RBFOX1: variants seen among roughly 807,000 people sequenced by gnomAD.
RBFOX1 encodes RNA binding fox-1 homolog 1.
A neutral mutation model predicts 57.7 loss-of-function variants in RBFOX1; 8 were observed. That is an observed-to-expected ratio of 0.14 (90% CI 0.08 to 0.25). The LOEUF (loss-of-function observed/expected upper bound fraction) is 0.25. Among genes scored for constraint, RBFOX1 ranks in the 10% least tolerant of loss-of-function variants. The pLI is 1.00. For missense variants in RBFOX1, 611 were observed against 548.5 expected (o/e 1.11, Z -1.14); for synonymous variants, 326 against 222.4 (o/e 1.47, Z -4.15).
chr16:5,498,507 T>C (rs2043078514), intron 2 of RBFOX1, among the ~76,000 whole-genome samples: 1 of 152,140 alleles, frequency 6.6e-6, no homozygotes, highest in Admixed American at 6.5e-5. Context: ...CTTTGATTTG[T>C]GTTTCTAGAA....
At chr16:7,709,867 AGCATAT>A in intron 15 of RBFOX1, 1 of 1,149,116 alleles carries the variant, frequency 8.7e-7, no homozygotes, top group African/African-American at 1.6e-5. Flanking sequence ...ATCACGTGAG[AGCATAT>A]GCAATCATTA....
chr16:5,555,374 C>T (rs2045629460), intron 2 of RBFOX1, among the ~76,000 whole-genome samples: 1 of 152,036 alleles, frequency 6.6e-6, no homozygotes, highest in African/African-American at 2.4e-5. Context: ...CCTCAGCCTC[C>T]CGAGTAGCTG....
At chr16:6,617,500 A>G (rs926936573) in intron 2 of RBFOX1, among the ~76,000 whole-genome samples, 4 of 151,934 alleles carry the variant, frequency 2.6e-5, no homozygotes, top group African/African-American at 9.6e-5. Flanking sequence ...TATTTTTCCT[A>G]GCAGAAGTTT....
At chr16:5,628,622 G>C (rs1437351532) in intron 3 of RBFOX1, among the ~76,000 whole-genome samples, 2 of 152,196 alleles carry the variant, frequency 1.3e-5, no homozygotes, top group Non-Finnish European at 2.9e-5. Context: ...TAAGAGCGAA[G>C]ATACCCCAAG....
Position 6,955,160 on chromosome 16 carries a change from G to A in RBFOX1, c.-15-96897G>A, listed in dbSNP as rs115601404. Among the ~76,000 whole-genome samples, 941 of 152,070 alleles carry A rather than the reference G, an allele frequency of 6.2e-3. 12 individuals carry two copies. The highest frequency in any genetic ancestry group is 0.021 in the African/African-American group (887 of 41,464). On this transcript the variant is annotated intron_variant, in intron 3 of 15. Transcript: ENST00000550418. Reference sequence around the variant, plus strand: ...GGAGGTTGAGGCAGGAGGATCAGTTGAGCCTGGGACTGAGATGTTTCAGTG... The same window carrying A: ...GGAGGTTGAGGCAGGAGGATCAGTTAAGCCTGGGACTGAGATGTTTCAGTG...
At chr16:5,360,811 T>G (rs1398550472) in intron 1 of RBFOX1, among the ~76,000 whole-genome samples, 1 of 152,192 alleles carries the variant, frequency 6.6e-6, no homozygotes, top group East Asian at 1.9e-4. Flanking sequence ...CAAAAATTTC[T>G]TCCATCTTTG....
chr16:6,328,660 C>T (rs557971307), intron 2 of RBFOX1, among the ~76,000 whole-genome samples: 2 of 152,252 alleles, frequency 1.3e-5, no homozygotes, highest in East Asian at 3.9e-4. Context: ...CTTAATCCTT[C>T]TCAGCTCCAG....
intron 3 of RBFOX1, among the ~76,000 whole-genome samples, chr16:6,952,731 A>C (rs2081020155): frequency 1.3e-5 from 2 of 152,110 alleles, no homozygotes; most frequent in African/African-American, 2.4e-5. Context: ...TCAGCTCAGC[A>C]CTTTGGGAAT....
chr16:6,017,216 T>C (rs1465719888), upstream of RBFOX1, among the ~76,000 whole-genome samples: 2 of 152,252 alleles, frequency 1.3e-5, no homozygotes, highest in Non-Finnish European at 2.9e-5. Flanking sequence ...TGTTCCTTTC[T>C]GGAATAAAAA....
Position 7,595,570 on chromosome 16 carries a change from G to A in RBFOX1, c.490G>A (p.Glu164Lys), listed in dbSNP as rs2094642630. 2 of 1,556,250 alleles carry A rather than the reference G, an allele frequency of 1.3e-6. No homozygotes were observed. Among genetic ancestry groups the A allele is most frequent in the African/African-American group, 1.4e-5 (1 of 73,340 alleles). Residue 164 changes from glutamate to lysine, a missense_variant, in exon 8 of 16, where the codon GAA becomes AAA. Coordinates refer to ENST00000550418, the MANE Select transcript of RBFOX1 (RefSeq NM_018723.4). ...GCAGGGATTTGGTTTCGTAACTTTC[G>A]AAAATAGTGCCGATGCGGACAGGGC... ...GSKGFGFVTF[E>K]NSADADRARE...
At chr16:6,251,170 G>C (rs918579820) in intron 1 of RBFOX1, among the ~76,000 whole-genome samples, 3 of 152,100 alleles carry the variant, frequency 2.0e-5, no homozygotes, top group Non-Finnish European at 4.4e-5. Context: ...AATAACACTA[G>C]CACTTATTTG....
In RBFOX1 at chr16:5,863,984, G is replaced by C. The variant is rs144235180; in HGVS notation, c.319-3319G>C. On this transcript the variant is annotated intron_variant, in intron 3 of 19. Transcript: ENST00000641259. Reference sequence around the variant, plus strand: ...TAAACTTGTGTCATGAGGGTTTGTTGTACAGATGATTTCATCCCCCAGGTA... The same window carrying C: ...TAAACTTGTGTCATGAGGGTTTGTTCTACAGATGATTTCATCCCCCAGGTA... Among the ~76,000 whole-genome samples, 6 of 152,214 alleles carry C rather than the reference G, an allele frequency of 3.9e-5. No homozygotes were observed. The East Asian group carries it at 1.2e-3, about 29-fold the overall frequency.
chr16:7,455,634 T>G (rs943891610), intron 4 of RBFOX1, among the ~76,000 whole-genome samples: 2 of 147,540 alleles, frequency 1.4e-5, no homozygotes, highest in East Asian at 2.0e-4. Context: ...TCTACTGAAA[T>G]ACAAAAAAAA....
chr16:7,153,485 C>G (rs2076480753), intron 4 of RBFOX1, among the ~76,000 whole-genome samples: 1 of 151,940 alleles, frequency 6.6e-6, no homozygotes, highest in Non-Finnish European at 1.5e-5. Context: ...GTCTGTAATC[C>G]CAGCACTTTG....
chr16:6,930,847 A>G (rs188234347), intron 3 of RBFOX1, among the ~76,000 whole-genome samples: 1 of 152,024 alleles, frequency 6.6e-6, no homozygotes, highest in East Asian at 1.9e-4. Context: ...AATGTTCTGG[A>G]TCAATCTTAA....
chr16:5,582,011 G>A (rs550093483), intron 2 of RBFOX1, among the ~76,000 whole-genome samples: 2 of 152,314 alleles, frequency 1.3e-5, no homozygotes, highest in Admixed American at 1.3e-4. Context: ...CAGTTGTTTC[G>A]AACAGAAGGT....
intron 2 of RBFOX1, among the ~76,000 whole-genome samples, chr16:6,429,896 G>A (rs1226631999): frequency 6.6e-6 from 1 of 152,084 alleles, no homozygotes; most frequent in African/African-American, 2.4e-5. Flanking sequence ...ATCACCTGAG[G>A]TCAGGAGTTC....
At chr16:5,592,428 T>C (rs889098448) in intron 2 of RBFOX1, among the ~76,000 whole-genome samples, 1 of 152,166 alleles carries the variant, frequency 6.6e-6, no homozygotes, top group African/African-American at 2.4e-5. Context: ...CTTTTTTTTT[T>C]TTTTCTGAGA....
At chr16:7,433,869 G>C (rs2098701840) in intron 4 of RBFOX1, among the ~76,000 whole-genome samples, 2 of 152,320 alleles carry the variant, frequency 1.3e-5, no homozygotes, top group South Asian at 4.1e-4. Context: ...AAATGACAGG[G>C]AGAGAAAGGT....
Sources: gnomAD v4.1 joint callset for allele counts (sites outside exome capture counted in the v4.1 genomes callset) on GRCh38, gnomAD v4.1.1 for gene constraint, MANE v1.5 for transcripts, NCBI Gene and HGNC (gene_info 2026-07-23, HGNC 2026-07-21) for gene names.